TOX2: variants seen among roughly 807,000 people sequenced by gnomAD.
The protein encoded by TOX2 is granulosa cell HMG box 1.
TOX2 carries 15 observed loss-of-function variants against 47.4 expected under a neutral mutation model. That is an observed-to-expected ratio of 0.32 (90% CI 0.21 to 0.49). The LOEUF is 0.49. TOX2 is among the 20% of genes least tolerant of loss of function. TOX2 has a pLI of 0.99. For missense variants in TOX2, 622 were observed against 673.1 expected (o/e 0.92, Z 0.84); for synonymous variants, 290 against 296.6 (o/e 0.98, Z 0.23).
At chr20:43,961,983 C>A (rs1034825027) in intron 1 of TOX2, among the ~76,000 whole-genome samples, 1 of 152,202 alleles carries the variant, frequency 6.6e-6, no homozygotes, top group African/African-American at 2.4e-5. Flanking sequence ...GAACCATTCC[C>A]CCTCACAGCG....
rs76258411 is a variant in TOX2 at position 43,915,413 on chromosome 20, C to G, written c.99+423C>G. ...CACAGACGAGTCACCCACAGACGCT[C>G]CGATGCCCCACACACCGTGACATGC... is the stretch of plus-strand genomic sequence containing the variant. On this transcript the variant is annotated intron_variant, in intron 1 of 8. Transcript: ENST00000341197. The surrounding 1 kb of genome is among the most constrained non-coding windows in gnomAD (Gnocchi z 7.1). Among the ~76,000 whole-genome samples the G allele has an allele frequency of 0.023, 3,479 of 152,268 alleles. 123 individuals are homozygous for G. Among genetic ancestry groups the G allele is most frequent in the African/African-American group, 0.075 (3,122 of 41,532 alleles).
chr20:43,963,706 A>G (rs1479787335), intron 1 of TOX2, among the ~76,000 whole-genome samples: 1 of 152,248 alleles, frequency 6.6e-6, no homozygotes, highest in African/African-American at 2.4e-5. Context: ...AGAATTGTTA[A>G]TATCTGATAT....
intron 2 of TOX2, 93 bp from the exon 3 acceptor site, chr20:44,006,454 A>G (rs1171800828): frequency 6.6e-6 from 10 of 1,514,650 alleles, no homozygotes; most frequent in Middle Eastern, 1.8e-4. Context: ...AGGGGTTGCT[A>G]TCGTTATTAT....
chr20:43,974,709 C>T (rs2070043385), intron 2 of TOX2, among the ~76,000 whole-genome samples: 2 of 152,206 alleles, frequency 1.3e-5, no homozygotes, highest in Admixed American at 1.3e-4. Flanking sequence ...GTGACAGGTC[C>T]CATGGAGGCC....
rs187887446 is a variant in TOX2 at position 44,033,923 on chromosome 20, G to A, written c.412-17383G>A. On this transcript the variant is annotated intron_variant, in intron 3 of 8. Coordinates refer to ENST00000341197, the MANE Select transcript of TOX2 (RefSeq NM_001098797.2). ...TGCTGCCTTCTCAGAGGACTGAGAC[G>A]TGTCGACTTTCACTGGGGAGGCAGA... Among the ~76,000 whole-genome samples the A allele has an allele frequency of 1.9e-3, 287 of 152,306 alleles. 3 individuals are homozygous for A. The highest frequency in any genetic ancestry group is 3.5e-3 in the Admixed American group (54 of 15,304).
intron 1 of TOX2, among the ~76,000 whole-genome samples, chr20:43,971,221 A>AG (rs1250063813): frequency 6.6e-5 from 10 of 152,322 alleles, no homozygotes; most frequent in African/African-American, 1.9e-4. Context: ...GGAGACATCA[A>AG]GGTACAGATA....
intron 3 of TOX2, among the ~76,000 whole-genome samples, chr20:44,027,597 C>A (rs2071086100): frequency 6.6e-6 from 1 of 152,218 alleles, no homozygotes; most frequent in Admixed American, 6.5e-5. Context: ...TCCATCTCTG[C>A]CCCATTTGGA....
chr20:44,044,795 G>A (rs1189745211), intron 3 of TOX2, among the ~76,000 whole-genome samples: 1 of 152,156 alleles, frequency 6.6e-6, no homozygotes, highest in Non-Finnish European at 1.5e-5. Flanking sequence ...CGAGAGAATT[G>A]AAAGCAGAGG....
At chr20:44,064,707 C>A (rs1185817541) in intron 5 of TOX2, 70 bp from the exon 6 acceptor site, 2 of 1,474,460 alleles carry the variant, frequency 1.4e-6, no homozygotes, top group African/African-American at 1.4e-5. Flanking sequence ...TGCCTTCCCA[C>A]CCCAGGACCC....
chr20:43,995,818 C>T (rs6031283), intron 2 of TOX2, among the ~76,000 whole-genome samples: 7,285 of 152,270 alleles, frequency 0.048, 352 homozygotes, highest in African/African-American at 0.13. Flanking sequence ...CAGCTCCATC[C>T]ATGTTCCTAC....
chr20:44,065,207 C>T (rs2071791359), intron 6 of TOX2, among the ~76,000 whole-genome samples: 1 of 152,162 alleles, frequency 6.6e-6, no homozygotes, highest in East Asian at 1.9e-4. Context: ...CACGCTACCC[C>T]AAAATATGGC....
At chr20:43,946,357 T>TG (rs965843987) in intron 1 of TOX2, among the ~76,000 whole-genome samples, 11 of 151,990 alleles carry the variant, frequency 7.2e-5, no homozygotes, top group Non-Finnish European at 1.5e-4. Flanking sequence ...AGGTGTGGGT[T>TG]GGGGGGTCTG....
intron 1 of TOX2, among the ~76,000 whole-genome samples, chr20:43,931,506 T>A (rs1262392998): frequency 6.6e-6 from 1 of 152,196 alleles, no homozygotes; most frequent in East Asian, 1.9e-4. Flanking sequence ...TATCCTCCCC[T>A]GTGCTCCTGC....
intron 1 of TOX2, among the ~76,000 whole-genome samples, chr20:43,948,906 T>G (rs1339378128): frequency 6.6e-6 from 1 of 152,210 alleles, no homozygotes; most frequent in Non-Finnish European, 1.5e-5. Flanking sequence ...TTTGGTCTCT[T>G]GACTTCTAGT....
At chr20:43,935,994 A>T (rs2069323248) in intron 1 of TOX2, among the ~76,000 whole-genome samples, 1 of 151,178 alleles carries the variant, frequency 6.6e-6, no homozygotes, top group Non-Finnish European at 1.5e-5. Flanking sequence ...CTAGCTCTGA[A>T]GTCATGGTCT....
chr20:43,980,193 A>G (rs1408191525), intron 2 of TOX2, among the ~76,000 whole-genome samples: 1 of 152,246 alleles, frequency 6.6e-6, no homozygotes, highest in Non-Finnish European at 1.5e-5. Context: ...TTATTCAGCC[A>G]TACAAAGAGA....
rs564870573 is a variant in TOX2 at position 43,917,481 on chromosome 20, G to A, written c.99+2491G>A. On this transcript the variant is annotated intron_variant, in intron 1 of 8. Coordinates refer to ENST00000341197, the MANE Select transcript of TOX2 (RefSeq NM_001098797.2). ...GGGGTGGACACACCCACACATGGGGGGCTCTGTCCGCAGACAAGAGGCTCG... is the reference window on the plus strand; with the variant it reads ...GGGGTGGACACACCCACACATGGGGAGCTCTGTCCGCAGACAAGAGGCTCG... Among the ~76,000 whole-genome samples, 7 of 152,292 alleles carry A rather than the reference G, an allele frequency of 4.6e-5. No homozygotes were observed. In the East Asian group the frequency reaches 1.4e-3, roughly 29 times the overall value.
intron 3 of TOX2, among the ~76,000 whole-genome samples, chr20:44,032,933 A>G (rs1469527486): frequency 2.0e-5 from 3 of 152,364 alleles, no homozygotes; most frequent in Non-Finnish European, 4.4e-5. Context: ...CTTAAAGGAT[A>G]AATTAGTCTG....
Position 43,980,035 on chromosome 20 carries a change from C to T in TOX2, c.165+6603C>T, listed in dbSNP as rs149299618. On this transcript the variant is annotated intron_variant, in intron 2 of 8. Coordinates refer to ENST00000341197, the MANE Select transcript of TOX2 (RefSeq NM_001098797.2). ...GCAATCCAACTGCTGGGTATATACC[C>T]CAAAGAAAGGAAATCAGTATATTGA... Among the ~76,000 whole-genome samples, 281 of 152,192 alleles carry T rather than the reference C, an allele frequency of 1.8e-3. 1 individual carries two copies. The highest frequency in any genetic ancestry group is 3.2e-3 in the Non-Finnish European group (219 of 68,008).
Sources: gnomAD v4.1 joint callset for allele counts (sites outside exome capture counted in the v4.1 genomes callset) on GRCh38, gnomAD v4.1.1 for gene constraint, Gnocchi (gnomAD v3.1) non-coding constraint, MANE v1.5 for transcripts, NCBI Gene and HGNC (gene_info 2026-07-23, HGNC 2026-07-21) for gene names.